Variants in TAF1A observed in about 807,000 individuals in gnomAD.
The protein encoded by TAF1A is TATA-box binding protein associated factor, RNA polymerase I subunit A.
A neutral mutation model predicts 61.6 loss-of-function variants in TAF1A; 42 were observed. The ratio of observed to expected loss-of-function variants is 0.68; its 90% CI spans 0.53 to 0.88. The LOEUF is 0.88. Ranked by LOEUF, TAF1A falls within the 40% of genes least tolerant of loss-of-function variation. The probability of loss-of-function intolerance (pLI) is 0.00; values close to 1 mark genes in which losing one functional copy is unlikely to be tolerated. For missense variants in TAF1A, 424 were observed against 518.7 expected (o/e 0.82, Z 1.77); for synonymous variants, 179 against 177.7 (o/e 1.01, Z -0.06).
Position 222,569,663 on chromosome 1 carries a change from C to T in TAF1A, c.741G>A (p.Leu247=). ...DPFVKSYVEM[L]EFYGDRDGAQ... The stretch of plus-strand genomic sequence containing the variant: ...CTCCATCTCGATCCCCATAGAATTC[C>T]AGCATCTATATAAAATAAATCATAA... The change falls in exon 7 of 11, where the codon CTG becomes CTA. Residue 247 remains leucine (L), a synonymous_variant. Coordinates refer to ENST00000352967, the MANE Select transcript of TAF1A (RefSeq NM_005681.4). 3.7e-6 allele frequency: 6 copies of T among 1,610,338 alleles called. No homozygotes were observed. The highest frequency in any genetic ancestry group is 5.1e-6 in the Non-Finnish European group (6 of 1,178,864).
At chr1:222,584,636 G>T (rs1660939961) in intron 2 of TAF1A, among the ~76,000 whole-genome samples, 1 of 152,020 alleles carries the variant, frequency 6.6e-6, no homozygotes, top group Non-Finnish European at 1.5e-5. Flanking sequence ...ATTTAGAATG[G>T]GTAAAATGTC....
At chr1:222,556,284 T>G (rs1212094322), downstream of TAF1A, among the ~76,000 whole-genome samples, 1 of 152,184 alleles carries the variant, frequency 6.6e-6, no homozygotes, top group Non-Finnish European at 1.5e-5. Context: ...AGGGGCTTTG[T>G]GAAATGATGC....
chr1:222,586,789 A>G (rs1661034096), intron 2 of TAF1A, among the ~76,000 whole-genome samples: 1 of 152,220 alleles, frequency 6.6e-6, no homozygotes, highest in Non-Finnish European at 1.5e-5. Context: ...AAAAGCCAAA[A>G]GATATCTACC....
At chr1:222,581,402 G>C (rs995487988) in intron 3 of TAF1A, among the ~76,000 whole-genome samples, 4 of 151,828 alleles carry the variant, frequency 2.6e-5, no homozygotes, top group African/African-American at 9.7e-5. Flanking sequence ...ACTAATTGAT[G>C]CAATGGTGAC....
In TAF1A at chr1:222,563,174, C is replaced by T. The variant is rs2102639601; in HGVS notation, c.1084G>A (p.Gly362Arg). The part of the protein sequence containing the change: ...LAKYLKNILM[G>R]NHLAWVQEEW... ...TAATAAACACTGTATGTTTCTTACC[C>T]CATTAAGATATTTTTCAGATATTTT... is the stretch of plus-strand genomic sequence containing the variant. Residue 362 changes from glycine (G) to arginine (R), a missense_variant and splice_region_variant, in exon 9 of 11, where the codon GGA becomes AGA. By Grantham distance (125) the Gly-to-Arg change is moderately radical (BLOSUM62 -2). Coordinates refer to ENST00000352967, the MANE Select transcript of TAF1A (RefSeq NM_005681.4). 2 of 1,604,976 alleles carry T rather than the reference C, an allele frequency of 1.2e-6. No individual in the cohort carries two copies. The highest frequency in any genetic ancestry group is 2.2e-5 in the East Asian group (1 of 44,686).
intron 3 of TAF1A, among the ~76,000 whole-genome samples, chr1:222,583,312 T>C (rs990572018): frequency 2.6e-5 from 4 of 152,142 alleles, no homozygotes; most frequent in Non-Finnish European, 5.9e-5. Flanking sequence ...AAAAAAAAGG[T>C]TCTAAATTTA....
chr1:222,559,822 C>T (rs1330439588), intron 10 of TAF1A, among the ~76,000 whole-genome samples: 6 of 151,916 alleles, frequency 3.9e-5, no homozygotes, highest in African/African-American at 1.2e-4. Context: ...CAGCTAGTAA[C>T]GTTTTACTAG....
intron 6 of TAF1A, 25 bp downstream of exon 6, chr1:222,570,510 T>A (rs779446389): frequency 6.3e-7 from 1 of 1,584,760 alleles, no homozygotes; most frequent in African/African-American, 1.3e-5. Flanking sequence ...ATAAAACCAA[T>A]AAATTTAATG....
intron 5 of TAF1A, among the ~76,000 whole-genome samples, chr1:222,574,032 T>C (rs1316900781): frequency 6.6e-6 from 1 of 152,018 alleles, no homozygotes; most frequent in Non-Finnish European, 1.5e-5. Context: ...ACATACTGTA[T>C]GATTCCATTT....
rs79038586 is a variant in TAF1A, at chr1:222,582,930, A to G, written c.291+1198T>C. ...GGCCATAGTGGCTCACGCTTGCAAT[A>G]CCAGCACTTTGGGGAGGCCGAGGTG... On this transcript the variant is annotated intron_variant, in intron 3 of 10. Coordinates refer to ENST00000352967, the MANE Select transcript of TAF1A (RefSeq NM_005681.4). Among the ~76,000 whole-genome samples the G allele has an allele frequency of 5.3e-3, 800 of 152,286 alleles. 43 individuals carry two copies. In the East Asian group the frequency reaches 0.12, roughly 23 times the overall value.
intron 7 of TAF1A, among the ~76,000 whole-genome samples, chr1:222,565,815 G>A (rs533807925): frequency 8.5e-5 from 13 of 152,232 alleles, no homozygotes; most frequent in African/African-American, 1.4e-4. Context: ...GGAGCCTCAC[G>A]TGATCATGCC....
At chr1:222,569,457 G>C in intron 7 of TAF1A, 53 bp downstream of exon 7, 1 of 1,613,056 alleles carries the variant, frequency 6.2e-7, no homozygotes, top group Non-Finnish European at 8.5e-7. Flanking sequence ...GCCTAAGAAT[G>C]TTTTAATGTA....
At chr1:222,579,603 T>C (rs1200192016) in intron 4 of TAF1A, among the ~76,000 whole-genome samples, 156 bp downstream of exon 4, 1 of 152,094 alleles carries the variant, frequency 6.6e-6, no homozygotes, top group Non-Finnish European at 1.5e-5. Context: ...AAGTAAATGG[T>C]TCTCATAACG....
At chr1:222,585,201 C>T (rs1660961713) in intron 2 of TAF1A, among the ~76,000 whole-genome samples, 1 of 152,088 alleles carries the variant, frequency 6.6e-6, no homozygotes, top group Non-Finnish European at 1.5e-5. Context: ...AACTGCAGAA[C>T]AACGTAATTT....
At chr1:222,585,533 G>A (rs1160449165) in intron 2 of TAF1A, among the ~76,000 whole-genome samples, 3 of 150,054 alleles carry the variant, frequency 2.0e-5, no homozygotes, top group South Asian at 2.1e-4. Context: ...CCATAGCCTA[G>A]ACCTCCTGGG....
At chr1:222,571,376 G>C (rs1660344107) in intron 5 of TAF1A, among the ~76,000 whole-genome samples, 1 of 151,966 alleles carries the variant, frequency 6.6e-6, no homozygotes. Flanking sequence ...GGTGGTTCCA[G>C]CCAGGACAAT....
rs1364316710 is a variant in TAF1A, at chr1:222,589,728, CG to C, written c.-5del. The stretch of plus-strand genomic sequence containing the variant: ...ACGGGCGATATCTGCGGCACTTACC[CG>C]CCTAAATTTAGAGCTCCTCAGTAAA... On this transcript the variant is annotated splice_region_variant and 5_prime_UTR_variant, in exon 1 of 11. Transcript: ENST00000352967. 1 of 240,638 alleles carries C rather than the reference CG, an allele frequency of 4.2e-6. No homozygotes were observed. Among genetic ancestry groups the C allele is most frequent in the Non-Finnish European group, 7.9e-6 (1 of 126,344 alleles). The allele number at this position is 240,638 out of a possible 1,614,324, so 14.9% of individuals were successfully genotyped here.
intron 4 of TAF1A, among the ~76,000 whole-genome samples, chr1:222,578,607 CT>C (rs1450052829): frequency 6.6e-6 from 1 of 152,174 alleles, no homozygotes; most frequent in Non-Finnish European, 1.5e-5. Flanking sequence ...TGGCCAATTG[CT>C]TTTGCAAACT....
downstream of TAF1A, among the ~76,000 whole-genome samples, chr1:222,554,281 G>T (rs1341813775): frequency 6.6e-6 from 1 of 152,192 alleles, no homozygotes; most frequent in Non-Finnish European, 1.5e-5. Context: ...GGACTGACGG[G>T]CGGAAACAAA....
Sources: gnomAD v4.1 joint callset for allele counts (sites outside exome capture counted in the v4.1 genomes callset) on GRCh38, gnomAD v4.1.1 for gene constraint, MANE v1.5 for transcripts, NCBI Gene and HGNC (gene_info 2026-07-23, HGNC 2026-07-21) for gene names.